Variants in AVEN observed in about 807,000 individuals in gnomAD.
The protein encoded by AVEN is cell death regulator Aven.
Under a neutral mutation model 38.1 loss-of-function variants are expected in AVEN, and 41 were observed. That is an observed-to-expected ratio of 1.08 (90% confidence interval 0.84 to 1.40). The LOEUF (loss-of-function observed/expected upper bound fraction) is 1.40. Among genes scored for constraint, AVEN ranks in the 40% most tolerant of loss-of-function variants. AVEN has a pLI of 0.00. For missense variants in AVEN, 605 were observed against 438.8 expected (o/e 1.38, Z -3.38); for synonymous variants, 206 against 171.8 (o/e 1.20, Z -1.56).
chr15:33,927,962 A>G (rs1893690316), intron 2 of AVEN, among the ~76,000 whole-genome samples: 1 of 152,192 alleles, frequency 6.6e-6, no homozygotes, highest in East Asian at 1.9e-4. Flanking sequence ...AGGACACAAC[A>G]GTACAGGCTG....
chr15:33,899,095 T>A (rs574094109), intron 2 of AVEN, among the ~76,000 whole-genome samples: 1 of 152,244 alleles, frequency 6.6e-6, no homozygotes, highest in East Asian at 1.9e-4. Flanking sequence ...TAGAAGGTGG[T>A]CACATGCCTA....
chr15:33,963,613 A>G (rs972028186), intron 2 of AVEN, among the ~76,000 whole-genome samples: 1 of 152,080 alleles, frequency 6.6e-6, no homozygotes, highest in Admixed American at 6.6e-5. Flanking sequence ...TCTGGCTAAC[A>G]TGGTGAAACC....
At chr15:33,904,986 C>T (rs1892640936) in intron 2 of AVEN, among the ~76,000 whole-genome samples, 1 of 151,470 alleles carries the variant, frequency 6.6e-6, no homozygotes, top group Non-Finnish European at 1.5e-5. Context: ...AAAAATTGGC[C>T]GGGTGTTGTG....
intron 2 of AVEN, among the ~76,000 whole-genome samples, chr15:33,962,661 T>A (rs577270286): frequency 1.0e-5 from 1 of 97,858 alleles, no homozygotes; most frequent in South Asian, 5.1e-4. Flanking sequence ...AATCACTAAA[T>A]TTCCCTGCAT....
At chr15:33,889,619 G>C (rs919469) in intron 2 of AVEN, among the ~76,000 whole-genome samples, 124,737 of 152,154 alleles carry the variant, frequency 0.82, 55,212 homozygotes, top group Non-Finnish European at 0.98. Context: ...CATCCAACTT[G>C]CCTTCTCATC....
chr15:33,935,054 T>C (rs1359628956), intron 2 of AVEN, among the ~76,000 whole-genome samples: 1 of 152,184 alleles, frequency 6.6e-6, no homozygotes, highest in Non-Finnish European at 1.5e-5. Context: ...CTAAGGCTCT[T>C]TCCCGGGGTG....
intron 2 of AVEN, among the ~76,000 whole-genome samples, chr15:33,944,040 C>T (rs768626459): frequency 3.3e-5 from 5 of 152,034 alleles, no homozygotes; most frequent in African/African-American, 1.2e-4. Flanking sequence ...GGCCTAGTCA[C>T]AATTTTTAAA....
intron 1 of AVEN, among the ~76,000 whole-genome samples, chr15:34,016,852 C>T (rs1174664669): frequency 1.3e-5 from 2 of 152,120 alleles, no homozygotes; most frequent in African/African-American, 2.4e-5. Flanking sequence ...CCAACACCCA[C>T]GTGTGGTGGC....
chr15:33,890,977 T>C (rs1891923383), intron 2 of AVEN, among the ~76,000 whole-genome samples: 1 of 151,992 alleles, frequency 6.6e-6, no homozygotes, highest in South Asian at 2.1e-4. Context: ...AGCGTGGTGG[T>C]GCACATGTGT....
chr15:33,912,333 G>A (rs1197153248), intron 2 of AVEN, among the ~76,000 whole-genome samples: 3 of 152,198 alleles, frequency 2.0e-5, no homozygotes, highest in East Asian at 1.9e-4. Context: ...GCAATATGGA[G>A]TGTCTGCTTA....
chr15:34,074,114 C>T (rs1232359889), intron 1 of AVEN, among the ~76,000 whole-genome samples: 1 of 149,634 alleles, frequency 6.7e-6, no homozygotes, highest in African/African-American at 2.5e-5. Context: ...TCTCATGCCT[C>T]AGCCTTCTGA....
At chr15:33,952,681 T>C (rs906882864) in intron 2 of AVEN, among the ~76,000 whole-genome samples, 3 of 152,136 alleles carry the variant, frequency 2.0e-5, no homozygotes, top group South Asian at 2.1e-4. Context: ...TCTGAGATTG[T>C]TGAACTAGAT....
rs367720664 is a variant in AVEN, at chr15:34,030,146, C to T, written c.267+8634G>A. On this transcript the variant is annotated intron_variant, in intron 1 of 5. Coordinates refer to ENST00000306730, the MANE Select transcript of AVEN (RefSeq NM_020371.3). Reference sequence around the variant, plus strand: ...GCACATGTCTGTAATCCCAGCTACTCGGGAGGCTGAGGCAGGAGAATCTCT... The same window carrying T: ...GCACATGTCTGTAATCCCAGCTACTTGGGAGGCTGAGGCAGGAGAATCTCT... Among the ~76,000 whole-genome samples, 67 of 152,030 alleles carry T rather than the reference C, an allele frequency of 4.4e-4. No homozygotes were observed. The East Asian group carries it at 9.1e-3, about 21-fold the overall frequency.
intron 2 of AVEN, among the ~76,000 whole-genome samples, chr15:33,966,633 C>G (rs600637): frequency 0.78 from 116,269 of 148,400 alleles, 52,215 homozygotes; most frequent in Non-Finnish European, 0.97. Context: ...CACCCCCATT[C>G]TCTTTCATCC....
chr15:33,878,809 T>C (rs377457930), intron 2 of AVEN, among the ~76,000 whole-genome samples: 6 of 152,250 alleles, frequency 3.9e-5, no homozygotes, highest in East Asian at 1.9e-4. Flanking sequence ...GGGGAGAATA[T>C]ATGAAATATG....
chr15:33,894,809 C>G (rs1475608075), intron 2 of AVEN, among the ~76,000 whole-genome samples: 1 of 17,418 alleles, frequency 5.7e-5, no homozygotes, highest in Non-Finnish European at 2.9e-4. Flanking sequence ...GACACCATCT[C>G]AAAAAAAAAA....
intron 2 of AVEN, among the ~76,000 whole-genome samples, chr15:33,926,719 ATC>A (rs1893619350): frequency 6.6e-6 from 1 of 152,140 alleles, no homozygotes; most frequent in South Asian, 2.1e-4. Context: ...GGAGTGCACA[ATC>A]TCAGCTCACT....
intron 5 of AVEN, among the ~76,000 whole-genome samples, chr15:34,048,017 C>T (rs1188473728): frequency 7.7e-6 from 1 of 129,782 alleles, no homozygotes; most frequent in Non-Finnish European, 1.8e-5. Flanking sequence ...TCACCACGTC[C>T]AGCTCGTGTG....
At position 33,964,370 on chromosome 15, in the gene AVEN, A is replaced by C. The variant is rs1205549587; in HGVS notation, c.445+38662T>G. On this transcript the variant is annotated intron_variant, in intron 2 of 5. Coordinates refer to ENST00000306730, the MANE Select transcript of AVEN (RefSeq NM_020371.3). ...GAGCCAAATAATAGGTCACAGGTTA[A>C]GGCCTGAGATGAGTGAAAAAAGTGG... is the stretch of plus-strand genomic sequence containing the variant. 2.6e-5 allele frequency among the ~76,000 whole-genome samples: 4 copies of C among 152,192 alleles called. No homozygotes were observed. The East Asian group carries it at 7.7e-4, about 29-fold the overall frequency.
Sources: gnomAD v4.1 joint callset for allele counts (sites outside exome capture counted in the v4.1 genomes callset) on GRCh38, gnomAD v4.1.1 for gene constraint, MANE v1.5 for transcripts, NCBI Gene and HGNC (gene_info 2026-07-23, HGNC 2026-07-21) for gene names.